Variants in DIAPH3 observed in about 807,000 individuals in gnomAD.
DIAPH3 encodes protein diaphanous homolog 3.
In DIAPH3, 117 loss-of-function variants were observed where a neutral mutation model predicts 144.3. The ratio of observed to expected loss-of-function variants is 0.81; its 90% CI spans 0.70 to 0.95. The LOEUF is 0.95. Among genes scored for constraint, DIAPH3 ranks in the 40% least tolerant of loss-of-function variants. DIAPH3 has a pLI of 0.00. For synonymous variants in DIAPH3, 519 were observed against 488.9 expected, an observed-to-expected ratio of 1.06 and a Z score of -0.81; for missense variants, 1,421 against 1,412.7, an observed-to-expected ratio of 1.01 and a Z score of -0.09.
intron 4 of DIAPH3, among the ~76,000 whole-genome samples, chr13:60,093,213 T>A (rs1348248513): frequency 6.6e-6 from 1 of 152,194 alleles, no homozygotes; most frequent in African/African-American, 2.4e-5. Flanking sequence ...AAGATAATTT[T>A]ATTCATAGGG....
intron 20 of DIAPH3, among the ~76,000 whole-genome samples, chr13:59,884,777 G>C (rs780245940): frequency 9.5e-5 from 6 of 63,184 alleles, no homozygotes; most frequent in African/African-American, 2.5e-4. Context: ...TTGGAGAAAG[G>C]CTTCAAAAAA....
chr13:60,122,293 C>G (rs1239112109), intron 2 of DIAPH3, among the ~76,000 whole-genome samples: 1 of 152,154 alleles, frequency 6.6e-6, no homozygotes, highest in Non-Finnish European at 1.5e-5. Context: ...CCTTACCTGG[C>G]TAATTTCAAC....
chr13:59,825,303 T>G (rs2041333216), intron 24 of DIAPH3, among the ~76,000 whole-genome samples: 2 of 152,148 alleles, frequency 1.3e-5, no homozygotes, highest in African/African-American at 4.8e-5. Flanking sequence ...TTTTTTGTCC[T>G]TGCGATAGTT....
chr13:59,945,905 A>G (rs1317505146), intron 17 of DIAPH3, among the ~76,000 whole-genome samples: 1 of 152,224 alleles, frequency 6.6e-6, no homozygotes, highest in Non-Finnish European at 1.5e-5. Context: ...AATTTAAATG[A>G]AAGCTTCACA....
intron 17 of DIAPH3, among the ~76,000 whole-genome samples, chr13:59,962,786 CTTT>C (rs2049840339): frequency 6.6e-6 from 1 of 151,950 alleles, no homozygotes. Flanking sequence ...AAATCTGCTT[CTTT>C]ATTAATGAAT....
intron 4 of DIAPH3, among the ~76,000 whole-genome samples, chr13:60,082,880 T>C (rs752953775): frequency 2.6e-5 from 4 of 152,108 alleles, no homozygotes; most frequent in Admixed American, 6.6e-5. Flanking sequence ...AATGTCGACA[T>C]AGTAGGACAA....
chr13:59,916,060 G>A (rs1302820104), intron 19 of DIAPH3, 95 bp downstream of exon 19: 18 of 1,037,926 alleles, frequency 1.7e-5, no homozygotes, highest in Non-Finnish European at 3.0e-6. Flanking sequence ...CCAGTTGAAT[G>A]ATTTGGGTGA....
chr13:59,893,962 T>C (rs929631437), intron 20 of DIAPH3, among the ~76,000 whole-genome samples: 2 of 152,176 alleles, frequency 1.3e-5, no homozygotes, highest in Non-Finnish European at 1.5e-5. Context: ...GCAATTTTTA[T>C]TCTTTGTTTC....
At chr13:60,145,636 G>T (rs563954820) in intron 1 of DIAPH3, among the ~76,000 whole-genome samples, 1 of 152,196 alleles carries the variant, frequency 6.6e-6, no homozygotes. Context: ...GTGACAGAGC[G>T]AGACTCCGTC....
chr13:59,753,278 T>C (rs1218089168), intron 27 of DIAPH3, among the ~76,000 whole-genome samples: 5 of 152,240 alleles, frequency 3.3e-5, no homozygotes. Flanking sequence ...CTGAGGCTTC[T>C]ACTCTGATGA....
At chr13:60,040,357 C>G (rs965944043) in intron 5 of DIAPH3, among the ~76,000 whole-genome samples, 2 of 148,432 alleles carry the variant, frequency 1.3e-5, no homozygotes, top group African/African-American at 5.0e-5. Flanking sequence ...TCATGGATAA[C>G]ATCATGGATT....
At chr13:60,004,101 TG>T (rs1298590436) in intron 9 of DIAPH3, among the ~76,000 whole-genome samples, 2 of 152,296 alleles carry the variant, frequency 1.3e-5, no homozygotes, top group South Asian at 4.1e-4. Context: ...AAAAGAATAA[TG>T]AAGAATGTGT....
At chr13:59,679,813 G>A (rs912774484) in intron 27 of DIAPH3, among the ~76,000 whole-genome samples, 2 of 151,998 alleles carry the variant, frequency 1.3e-5, no homozygotes, top group East Asian at 3.9e-4. Flanking sequence ...AAGAATTCTC[G>A]GTGGAGACAC....
chr13:60,151,778 T>A (rs1044573271), intron 1 of DIAPH3, among the ~76,000 whole-genome samples: 5 of 152,084 alleles, frequency 3.3e-5, no homozygotes, highest in African/African-American at 7.2e-5. Context: ...AGAGACTGAG[T>A]GGAGTTAGAA....
intron 4 of DIAPH3, among the ~76,000 whole-genome samples, chr13:60,072,274 T>C (rs995864231): frequency 6.6e-6 from 1 of 152,194 alleles, no homozygotes; most frequent in Non-Finnish European, 1.5e-5. Context: ...ACTGTACCTA[T>C]AGATGTAGAT....
chr13:59,861,954 A>G (rs1335840195), intron 21 of DIAPH3, among the ~76,000 whole-genome samples: 1 of 152,204 alleles, frequency 6.6e-6, no homozygotes, highest in African/African-American at 2.4e-5. Flanking sequence ...TTTCCTCAAG[A>G]AGCTGTTTAG....
intron 27 of DIAPH3, among the ~76,000 whole-genome samples, chr13:59,674,446 C>T (rs2032537198): frequency 1.3e-5 from 2 of 152,184 alleles, no homozygotes; most frequent in Non-Finnish European, 2.9e-5. Flanking sequence ...GCTTACTCTT[C>T]TACTTTTCGA....
At chr13:59,886,121 A>G (rs2045430004) in intron 20 of DIAPH3, among the ~76,000 whole-genome samples, 3 of 152,162 alleles carry the variant, frequency 2.0e-5, no homozygotes. Context: ...ATATGATTTT[A>G]TATTCCTTTT....
chr13:60,111,011 T>C (rs1157536573), intron 3 of DIAPH3, among the ~76,000 whole-genome samples: 4 of 152,344 alleles, frequency 2.6e-5, no homozygotes, highest in Non-Finnish European at 4.4e-5. Flanking sequence ...TTAGTCCACT[T>C]ACTCAGATGG....
Sources: gnomAD v4.1 joint callset for allele counts (sites outside exome capture counted in the v4.1 genomes callset) on GRCh38, gnomAD v4.1.1 for gene constraint, MANE v1.5 for transcripts, NCBI Gene and HGNC (gene_info 2026-07-23, HGNC 2026-07-21) for gene names.